Variants in FRMPD4 observed in about 807,000 individuals in gnomAD.
The protein encoded by FRMPD4 is FERM and PDZ domain-containing protein 4.
In FRMPD4, 22 loss-of-function variants were observed where a neutral mutation model predicts 94.1. The observed-to-expected ratio is 0.23, with a 90% CI of 0.17 to 0.33. FRMPD4 has a LOEUF of 0.33. Ranked by LOEUF, FRMPD4 falls within the 10% of genes least tolerant of loss-of-function variation. The pLI, the probability that FRMPD4 is intolerant of heterozygous loss-of-function variation, is 1.00. For synonymous variants in FRMPD4, 631 were observed against 548.6 expected (o/e 1.15, Z -2.10); for missense variants, 1,111 against 1,339.9 (o/e 0.83, Z 2.67).
At chrX:12,538,908 C>T (rs2058372147) in intron 2 of FRMPD4, among the ~76,000 whole-genome samples, 1 of 112,142 alleles carries the variant, frequency 8.9e-6, no homozygotes, top group Non-Finnish European at 1.9e-5. Flanking sequence ...CTCTCCCCCT[C>T]CAAAGGAATA....
intron 2 of FRMPD4, among the ~76,000 whole-genome samples, chrX:12,584,088 G>A (rs1249331757): frequency 8.9e-6 from 1 of 111,960 alleles, no homozygotes; most frequent in Non-Finnish European, 1.9e-5. Flanking sequence ...TTCGGAAATT[G>A]ATTATCTTAC....
rs2053550231 is a variant in FRMPD4, at chrX:11,843,311, A to C, written c.-161+20596A>C. Among the ~76,000 whole-genome samples, 8 of 110,739 alleles carry C rather than the reference A, an allele frequency of 7.2e-5. No homozygotes were observed. In the South Asian group the frequency reaches 3.0e-3, roughly 42 times the overall value. On this transcript the variant is annotated intron_variant, in intron 1 of 18. Transcript: ENST00000640291. ...TCTCTGTAGTCTGGAAGAGTTTGTG[A>C]AGGTTTAATGCTATTTTTTTCTTTA...
intron 3 of FRMPD4, among the ~76,000 whole-genome samples, chrX:11,967,752 G>T (rs377750612): frequency 0.02 from 1,562 of 77,282 alleles, 58 homozygotes; most frequent in East Asian, 0.13. Context: ...GTGTGTGTGT[G>T]TGTGTTTTTT....
intron 4 of FRMPD4, among the ~76,000 whole-genome samples, chrX:12,653,241 C>T (rs1008564978): frequency 3.6e-5 from 4 of 111,666 alleles, no homozygotes; most frequent in African/African-American, 1.3e-4. Context: ...ATTCTTAAAA[C>T]GTAAAGAATA....
At chrX:11,849,993 C>A (rs1416927859) in intron 1 of FRMPD4, among the ~76,000 whole-genome samples, 2 of 111,705 alleles carry the variant, frequency 1.8e-5, no homozygotes, top group Non-Finnish European at 3.8e-5. Flanking sequence ...GAAAGCCAAC[C>A]TATGGAATGG....
intron 1 of FRMPD4, among the ~76,000 whole-genome samples, chrX:12,191,094 T>C (rs1359821943): frequency 1.8e-5 from 2 of 112,249 alleles, no homozygotes; most frequent in African/African-American, 6.5e-5. Flanking sequence ...CCAAAGACAT[T>C]AACAGACACG....
chrX:12,370,382 A>T (rs1191660119), intron 1 of FRMPD4, among the ~76,000 whole-genome samples: 2 of 112,520 alleles, frequency 1.8e-5, no homozygotes, highest in Admixed American at 1.9e-4. Context: ...ACAAAAAGCA[A>T]AAGCCCCATC....
At chrX:12,672,609 C>T (rs765950722) in intron 4 of FRMPD4, among the ~76,000 whole-genome samples, 3 of 111,748 alleles carry the variant, frequency 2.7e-5, no homozygotes, top group African/African-American at 9.8e-5. Context: ...TGGTTTTCAA[C>T]ACCTTTGAAA....
intron 2 of FRMPD4, among the ~76,000 whole-genome samples, chrX:12,530,867 T>C (rs754365899): frequency 1.8e-5 from 2 of 111,762 alleles, no homozygotes; most frequent in Non-Finnish European, 3.8e-5. Context: ...GAATGGTGGA[T>C]GTATGGTGCA....
chrX:12,240,221 A>G (rs541110675), intron 1 of FRMPD4, among the ~76,000 whole-genome samples: 89 of 112,378 alleles, frequency 7.9e-4, no homozygotes, highest in Middle Eastern at 4.6e-3. Context: ...CACAAAGTCT[A>G]AATTTTTTCT....
At chrX:11,843,204 A>G (rs1208609391) in intron 1 of FRMPD4, among the ~76,000 whole-genome samples, 2 of 111,848 alleles carry the variant, frequency 1.8e-5, no homozygotes, top group African/African-American at 6.5e-5. Flanking sequence ...TGGTTTGATT[A>G]CATTTTGTTA....
chrX:11,934,682 T>G (rs748177004), intron 3 of FRMPD4, among the ~76,000 whole-genome samples: 6 of 112,078 alleles, frequency 5.4e-5, no homozygotes, highest in African/African-American at 1.9e-4. Flanking sequence ...ATACATGTGT[T>G]CCTTTGAGAT....
rs191047189 is a variant in FRMPD4 at position 12,583,354 on chromosome X, A to G, written c.159-26367A>G. On this transcript the variant is annotated intron_variant, in intron 2 of 16. Coordinates refer to ENST00000675598, the MANE Select transcript of FRMPD4 (RefSeq NM_001368397.1). ...TTGTCTTTTGGGGGAAAGGGATGAG[A>G]GCCCCAGGCCGGCTGAGACGGCCGG... The G allele has an allele frequency of 2.1e-3, 1,402 of 672,676 alleles. 10 individuals carry two copies. In the African/African-American group the frequency reaches 0.023, roughly 11 times the overall value. 55.4% of individuals were successfully genotyped at this position (672,676 alleles called of 1,213,427 possible).
At chrX:11,992,378 A>G (rs1316342009) in intron 3 of FRMPD4, among the ~76,000 whole-genome samples, 3 of 111,908 alleles carry the variant, frequency 2.7e-5, no homozygotes, top group Non-Finnish European at 5.7e-5. Flanking sequence ...TTATTTATAC[A>G]TATTCAAGGT....
rs113191989 is a variant in FRMPD4, at chrX:11,984,984, A to C, written c.95+106966A>C. Among the ~76,000 whole-genome samples, 630 of 112,202 alleles carry C rather than the reference A, an allele frequency of 5.6e-3. 3 individuals carry two copies. The highest frequency in any genetic ancestry group is 0.02 in the African/African-American group (606 of 30,900). On this transcript the variant is annotated intron_variant, in intron 3 of 18. Coordinates refer to the FRMPD4 transcript ENST00000640291. ...AGGGAAACAAACCAAAATGAAAATG[A>C]GGTACTATTTCACACCCACTAGGGG... is the stretch of plus-strand genomic sequence containing the variant.
intron 1 of FRMPD4, among the ~76,000 whole-genome samples, chrX:12,471,991 A>G (rs2057519632): frequency 8.9e-6 from 1 of 112,619 alleles, no homozygotes; most frequent in Admixed American, 9.4e-5. Flanking sequence ...TAGTGCACAA[A>G]TTAGCCACAG....
rs753328999 is a variant in FRMPD4, at chrX:12,441,939, G to A, written c.42-56741G>A. On this transcript the variant is annotated intron_variant, in intron 1 of 16. Coordinates refer to ENST00000675598, the MANE Select transcript of FRMPD4 (RefSeq NM_001368397.1). ...AGCTCTTTAGTGACTTTAGCCACAAGAATTTGGGGAGTTGGGATGTTTCCA... is the reference window on the plus strand; with the variant it reads ...AGCTCTTTAGTGACTTTAGCCACAAAAATTTGGGGAGTTGGGATGTTTCCA... 1.5e-4 allele frequency among the ~76,000 whole-genome samples: 17 copies of A among 111,404 alleles called. No individual in the cohort carries two copies. In the South Asian group the frequency reaches 6.1e-3, roughly 40 times the overall value.
chrX:12,016,845 A>G (rs2054607134), intron 3 of FRMPD4, among the ~76,000 whole-genome samples: 1 of 111,611 alleles, frequency 9.0e-6, no homozygotes, highest in Non-Finnish European at 1.9e-5. Context: ...GCCTGTCCAC[A>G]CAGGGGAAAA....
At chrX:11,843,692 G>A (rs922423936) in intron 1 of FRMPD4, among the ~76,000 whole-genome samples, 1 of 110,775 alleles carries the variant, frequency 9.0e-6, no homozygotes, top group Non-Finnish European at 1.9e-5. Context: ...CAAGTAGCTG[G>A]GACTACAGGC....
Sources: allele counts gnomAD v4.1 joint callset (sites outside exome capture counted in the v4.1 genomes callset), GRCh38; gene constraint gnomAD v4.1.1; transcripts MANE v1.5; gene names NCBI Gene and HGNC (gene_info 2026-07-23, HGNC 2026-07-21).